Variants in KHDC1L observed in about 807,000 individuals in gnomAD.
KHDC1L encodes the protein KHDC1-like protein.
A neutral mutation model predicts 11.2 loss-of-function variants in KHDC1L; 5 were observed. The ratio of observed to expected loss-of-function variants is 0.45; its 90% CI spans 0.23 to 0.94. The LOEUF (loss-of-function observed/expected upper bound fraction) is 0.94. Ranked by LOEUF, KHDC1L falls within the 40% of genes least tolerant of loss-of-function variation. The pLI, the probability that KHDC1L is intolerant of heterozygous loss-of-function variation, is 0.22. For missense variants in KHDC1L, 168 were observed against 165.8 expected (o/e 1.01, Z -0.07); for synonymous variants, 66 against 62.7 (o/e 1.05, Z -0.25).
chr6:73,225,088 T>TC (rs1554222527), intron 1 of KHDC1L, among the ~76,000 whole-genome samples: 1 of 87,764 alleles, frequency 1.1e-5, no homozygotes, highest in African/African-American at 5.4e-5. Flanking sequence ...GTCTCGAGTC[T>TC]CAAAAAAAAA....
Position 73,224,771 on chromosome 6 carries a change from CAAAAAAAAAAA to C in KHDC1L, c.113-434_113-424del, listed in dbSNP as rs3044250. ...AGCCTGGGCGACAGAGATTCCATATCAAAAAAAAAAAAAAAAAAAAAAACACGAGGCCGGGC... is the reference window on the plus strand; with the variant it reads ...AGCCTGGGCGACAGAGATTCCATATCAAAAAAAAAAAACACGAGGCCGGGC... On this transcript the variant is annotated intron_variant, in intron 1 of 2. Coordinates refer to ENST00000370388, the MANE Select transcript of KHDC1L (RefSeq NM_001126063.3). Among the ~76,000 whole-genome samples the C allele has an allele frequency of 3.9e-4, 16 of 41,092 alleles. No homozygotes were observed. In the East Asian group the frequency reaches 9.3e-3, roughly 24 times the overall value. The allele number at this position is 41,092 out of a possible 152,430, so 27.0% of individuals were successfully genotyped here. A position where few individuals can be genotyped will look rare whatever the true frequency, so the allele number is the denominator to read the frequency against.
chr6:73,225,223 C>A, intron 1 of KHDC1L, 74 bp downstream of exon 1: 14 of 1,365,860 alleles, frequency 1.0e-5, no homozygotes, highest in Non-Finnish European at 1.4e-5. Context: ...GCCAAGATCA[C>A]GAGCGAGAAT....
chr6:73,225,421 C>T lies in KHDC1L; in HGVS notation c.-13G>A. On this transcript the variant is annotated 5_prime_UTR_variant, in exon 1 of 3. The change creates a new upstream start codon in the 5' untranslated region. Coordinates refer to ENST00000370388, the MANE Select transcript of KHDC1L (RefSeq NM_001126063.3). ...TTCCCACGGCCATGCTGTGCTCCCA[C>T]CTGATTCAGAATAGGGGAAAGTCTA... 1 of 1,599,498 alleles carries T rather than the reference C, an allele frequency of 6.3e-7. No individual in the cohort carries two copies. Among genetic ancestry groups the T allele is most frequent in the Non-Finnish European group, 8.6e-7 (1 of 1,167,138 alleles).
Position 73,225,301 on chromosome 6 carries a change from G to T in KHDC1L, c.108C>A (p.Ile36=). ...FHMEEDQEEL[I]FGLDDTYLRC... is the part of the protein sequence containing the mutation. ...ACGTGGGCAAAGGCCACTCACCGAA[G>T]ATGAGCTCCTCCTGGTCCTCTTCCA... The change falls in exon 1 of 3, where the codon ATC becomes ATA. Residue 36 remains isoleucine (I), a synonymous_variant. Transcript: ENST00000370388. 6.2e-7 allele frequency: 1 copy of T among 1,613,610 alleles called. No homozygotes were observed. Among genetic ancestry groups the T allele is most frequent in the Non-Finnish European group, 8.5e-7 (1 of 1,179,698 alleles).
At chr6:73,223,923 CAG>C (rs2150538261) in intron 2 of KHDC1L, 84 bp from the exon 3 acceptor site, 1 of 1,212,498 alleles carries the variant, frequency 8.2e-7, no homozygotes, top group African/African-American at 1.5e-5. Context: ...AGGAAGGTTC[CAG>C]AGAGGATGTC....
At chr6:73,224,892 T>C (rs1200637657) in intron 1 of KHDC1L, among the ~76,000 whole-genome samples, 1 of 147,136 alleles carries the variant, frequency 6.8e-6, no homozygotes, top group Non-Finnish European at 1.5e-5. Flanking sequence ...CCATCCTGGC[T>C]AACACGGTGA....
chr6:73,223,929 G>A, intron 2 of KHDC1L, 90 bp from the exon 3 acceptor site: 1 of 1,162,072 alleles, frequency 8.6e-7, no homozygotes, highest in Non-Finnish European at 1.2e-6. Context: ...GTTCCAGAGA[G>A]GATGTCACCC....
At position 73,224,311 on chromosome 6, in the gene KHDC1L, G is replaced by C. The variant is rs1292770260; in HGVS notation, c.150C>G (p.His50Gln). 1.3e-6 allele frequency: 2 copies of C among 1,596,956 alleles called. No homozygotes were observed. Among genetic ancestry groups the C allele is most frequent in the African/African-American group, 1.3e-5 (1 of 74,730 alleles). Residue 50 changes from histidine (H) to glutamine (Q), a missense_variant, in exon 2 of 3, where the codon CAC (histidine) becomes CAG (glutamine). Coordinates refer to ENST00000370388, the MANE Select transcript of KHDC1L (RefSeq NM_001126063.3). Reference protein sequence around the residue: ...DDTYLRCIELHSHTLIQLERC... With the variant: ...DDTYLRCIELQSHTLIQLERC... ...TCTCCAGCTGAATAAGGGTGTGGCT[G>C]TGCAGCTCAATGCAGCGAAGGTACG... is the stretch of plus-strand genomic sequence containing the variant.
chr6:73,224,620 C>T (rs1376209464), intron 1 of KHDC1L, among the ~76,000 whole-genome samples: 1 of 151,230 alleles, frequency 6.6e-6, no homozygotes, highest in Non-Finnish European at 1.5e-5. Flanking sequence ...ACTAAAAATA[C>T]AAAAAATTAG....
chr6:73,224,772 A>G (rs1231112824), intron 1 of KHDC1L, among the ~76,000 whole-genome samples: 5 of 39,186 alleles, frequency 1.3e-4, no homozygotes, highest in African/African-American at 1.1e-3. Flanking sequence ...ATTCCATATC[A>G]AAAAAAAAAA....
At chr6:73,224,458 G>A (rs948912227) in intron 1 of KHDC1L, 110 bp from the exon 2 acceptor site, 1 of 940,054 alleles carries the variant, frequency 1.1e-6, no homozygotes, top group African/African-American at 1.7e-5. Context: ...GAGGAGAGGG[G>A]AAGATTGAAA....
At chr6:73,224,537 G>A (rs892193550) in intron 1 of KHDC1L, among the ~76,000 whole-genome samples, 189 bp from the exon 2 acceptor site, 1 of 152,086 alleles carries the variant, frequency 6.6e-6, no homozygotes, top group African/African-American at 2.4e-5. Context: ...CAATTTGGGA[G>A]GCCGAGGCAG....
chr6:73,225,438 GA>G lies in KHDC1L; in HGVS notation c.-31del. The G allele has an allele frequency of 6.5e-7, 1 of 1,548,986 alleles. No individual in the cohort carries two copies. Among genetic ancestry groups the G allele is most frequent in the Non-Finnish European group, 8.9e-7 (1 of 1,121,980 alleles). ...TGCTCCCACCTGATTCAGAATAGGGGAAAGTCTAACAAACTGGTTGGCAAAA... is the reference window on the plus strand; with the variant it reads ...TGCTCCCACCTGATTCAGAATAGGGGAAGTCTAACAAACTGGTTGGCAAAA... On this transcript the variant is annotated 5_prime_UTR_variant, in exon 1 of 3. Coordinates refer to ENST00000370388, the MANE Select transcript of KHDC1L (RefSeq NM_001126063.3).
At position 73,225,310 on chromosome 6, in the gene KHDC1L, C is replaced by T. The variant is rs1766345531; in HGVS notation, c.99G>A (p.Glu33=). 6.2e-7 allele frequency: 1 copy of T among 1,613,782 alleles called. No individual in the cohort carries two copies. Among genetic ancestry groups the T allele is most frequent in the Non-Finnish European group, 8.5e-7 (1 of 1,179,776 alleles). The change falls in exon 1 of 3, where the codon GAG becomes GAA. Residue 33 remains glutamate, a synonymous_variant. Transcript: ENST00000370388. ...PMVFHMEEDQ[E]ELIFGLDDTY... is the part of the protein sequence containing the mutation. ...AAGGCCACTCACCGAAGATGAGCTC[C>T]TCCTGGTCCTCTTCCATGTGGAACA...
Position 73,223,844 on chromosome 6 carries a change from A to C in KHDC1L, c.296-5T>G. 2 of 1,580,974 alleles carry C rather than the reference A, an allele frequency of 1.3e-6. No individual in the cohort carries two copies. Among genetic ancestry groups the C allele is most frequent in the African/African-American group, 2.7e-5 (2 of 74,322 alleles). ...CACGCTCTAGCATCTTCAGACCTGCAAAAGAATTGCCTGGAGCTGAAGAAC... is the reference window on the plus strand; with the variant it reads ...CACGCTCTAGCATCTTCAGACCTGCCAAAGAATTGCCTGGAGCTGAAGAAC... On this transcript the variant is annotated splice_polypyrimidine_tract_variant and splice_region_variant and intron_variant, in intron 2 of 2. Coordinates refer to ENST00000370388, the MANE Select transcript of KHDC1L (RefSeq NM_001126063.3).
rs1356318694 is a variant in KHDC1L, at chr6:73,225,374, G to A, written c.35C>T (p.Pro12Leu). The A allele has an allele frequency of 1.9e-6, 3 of 1,614,054 alleles. No individual in the cohort carries two copies. Among genetic ancestry groups the A allele is most frequent in the South Asian group, 1.1e-5 (1 of 91,060 alleles). The change falls in exon 1 of 3, where the codon CCG becomes CTG. Residue 12 changes from proline to leucine, a missense_variant. Pro to Leu is a moderately conservative substitution (Grantham distance 98). Transcript: ENST00000370388. ...AVGTSALSKE[P>L]WWTLPENFHS... Reference sequence around the variant, plus strand: ...AAAGTTTTCGGGCAGGGTCCACCACGGCTCCTTGCTGAGAGCACTCGTTCC... The same window carrying A: ...AAAGTTTTCGGGCAGGGTCCACCACAGCTCCTTGCTGAGAGCACTCGTTCC...
At chr6:73,225,038 G>C (rs1269777005) in intron 1 of KHDC1L, among the ~76,000 whole-genome samples, 13 of 147,990 alleles carry the variant, frequency 8.8e-5, no homozygotes, top group Non-Finnish European at 1.6e-4. Flanking sequence ...AGCCGAGATC[G>C]CGCCACTGCA....
At chr6:73,224,783 A>AC (rs1361129487) in intron 1 of KHDC1L, among the ~76,000 whole-genome samples, 1 of 146,712 alleles carries the variant, frequency 6.8e-6, no homozygotes, top group African/African-American at 2.5e-5. Context: ...AAAAAAAAAA[A>AC]AAAAAAAAAA....
intron 2 of KHDC1L, 32 bp from the exon 3 acceptor site, chr6:73,223,871 A>G: frequency 1.3e-6 from 2 of 1,529,942 alleles, no homozygotes; most frequent in Non-Finnish European, 1.8e-6. Context: ...CTGAAGAACC[A>G]GAGTCCCATT....
Sources: allele counts gnomAD v4.1 joint callset (sites outside exome capture counted in the v4.1 genomes callset), GRCh38; gene constraint gnomAD v4.1.1; transcripts MANE v1.5; gene names NCBI Gene and HGNC (gene_info 2026-07-23, HGNC 2026-07-21).